The following KRT8 variants were observed in gnomAD, a reference collection of about 807,000 sequenced individuals.
KRT8 encodes the protein keratin 8.
A neutral mutation model predicts 43.0 loss-of-function variants in KRT8; 24 were observed. The ratio of observed to expected loss-of-function variants is 0.56; its 90% CI spans 0.40 to 0.78. The LOEUF is 0.78. KRT8 is among the 30% of genes least tolerant of loss of function. The pLI is 0.00. For synonymous variants in KRT8, 214 were observed against 261.2 expected, an observed-to-expected ratio of 0.82 and a Z score of 1.74; for missense variants, 492 against 638.4, an observed-to-expected ratio of 0.77 and a Z score of 2.47.
At chr12:52,898,767 G>T (rs138743271) in exon 6 of KRT8, 4 of 1,614,124 alleles carry the variant, frequency 2.5e-6, no homozygotes, top group Admixed American at 1.7e-5. Flanking sequence ...TGGTACTCAC[G>T]CAGCTGCCGC....
intron 2 of KRT8, among the ~76,000 whole-genome samples, chr12:52,922,485 CA>C (rs1425108602): frequency 6.6e-6 from 1 of 152,128 alleles, no homozygotes; most frequent in Non-Finnish European, 1.5e-5. Flanking sequence ...CCAGCCTGGC[CA>C]ACATGGCGAA....
chr12:52,912,052 T>C (rs1024043010), upstream of KRT8, among the ~76,000 whole-genome samples: 1 of 151,862 alleles, frequency 6.6e-6, no homozygotes, highest in African/African-American at 2.4e-5. Flanking sequence ...GAAAGAAAAG[T>C]ATTTGTGTTT....
chr12:52,949,672 T>A (rs920476754), intron 1 of KRT8: 5 of 1,258,862 alleles, frequency 4.0e-6, no homozygotes, highest in Non-Finnish European at 5.6e-6. Flanking sequence ...CGTCATTCCA[T>A]AACCACCCAA....
At chr12:52,920,601 A>C (rs1036043030) in intron 2 of KRT8, among the ~76,000 whole-genome samples, 18 of 152,024 alleles carry the variant, frequency 1.2e-4, no homozygotes, top group Admixed American at 2.6e-4. Context: ...CCATCTGAAA[A>C]AAAATTAAAA....
intron 7 of KRT8, 52 bp from the exon 8 acceptor site, chr12:52,897,670 G>A (rs1941249147): frequency 6.3e-7 from 1 of 1,597,032 alleles, no homozygotes; most frequent in African/African-American, 1.3e-5. Context: ...CCCCATGGCA[G>A]GCTCCATGCC....
intron 2 of KRT8, among the ~76,000 whole-genome samples, chr12:52,943,570 C>G (rs1227720453): frequency 2.6e-5 from 4 of 152,254 alleles, no homozygotes; most frequent in African/African-American, 9.6e-5. Flanking sequence ...TCACCCACAA[C>G]TGGGTTTCAC....
intron 2 of KRT8, among the ~76,000 whole-genome samples, chr12:52,938,170 A>ATATATTTTTT (rs1555189967): frequency 3.3e-5 from 1 of 30,320 alleles, no homozygotes; most frequent in South Asian, 1.3e-3. Flanking sequence ...ATATATATAT[A>ATATATTTTTT]TTTTTTTTTT....
At chr12:52,941,777 C>T (rs1222970504) in intron 2 of KRT8, among the ~76,000 whole-genome samples, 2 of 151,990 alleles carry the variant, frequency 1.3e-5, no homozygotes, top group African/African-American at 2.4e-5. Flanking sequence ...TGTGAGCCAC[C>T]GTGCCTGGCT....
intron 6 of KRT8, 50 bp from the exon 7 acceptor site, chr12:52,898,569 C>A: frequency 1.9e-6 from 3 of 1,612,342 alleles, no homozygotes; most frequent in Non-Finnish European, 2.5e-6. Flanking sequence ...CCCTTCTTGG[C>A]CCAGAACAAC....
At position 52,923,779 on chromosome 12, in the gene KRT8, C is replaced by G. The variant is rs1002030533; in HGVS notation, c.-46-18752G>C. On this transcript the variant is annotated intron_variant, in intron 2 of 6. Coordinates refer to the KRT8 transcript ENST00000546826. ...ATTATTAAAATTACCTGTATTATTA[C>G]ATTTAAATTAATATGGATTTTAGAG... 3.9e-5 allele frequency among the ~76,000 whole-genome samples: 6 copies of G among 151,920 alleles called. No individual in the cohort carries two copies. In the South Asian group the frequency reaches 1.2e-3, roughly 32 times the overall value.
chr12:52,904,449 A>C (rs1329705832), intron 1 of KRT8, among the ~76,000 whole-genome samples: 1 of 152,196 alleles, frequency 6.6e-6, no homozygotes, highest in Non-Finnish European at 1.5e-5. Flanking sequence ...CCCAGGATTC[A>C]TCCCGGCTGT....
chr12:52,926,264 C>G (rs1941989306), intron 2 of KRT8: 2 of 661,002 alleles, frequency 3.0e-6, no homozygotes, highest in South Asian at 1.9e-5. Flanking sequence ...CTTCCCGTTG[C>G]CTTCAGAATA....
chr12:52,948,494 CT>C (rs375720808), intron 2 of KRT8: 1,114 of 110,836 alleles, frequency 0.01, 5 homozygotes, highest in African/African-American at 0.032. Context: ...TTTCTTTTTT[CT>C]TTTTTTTTTT....
In KRT8 at chr12:52,918,180, G is replaced by GAAGAAGAA; in HGVS notation, c.-46-13154_-46-13153insTTCTTCTT. 3.4e-3 allele frequency among the ~76,000 whole-genome samples: 248 copies of GAAGAAGAA among 73,800 alleles called. 22 individuals carry two copies. Among genetic ancestry groups the GAAGAAGAA allele is most frequent in the Admixed American group, 4.4e-3 (28 of 6,392 alleles). The allele number at this position is 73,800 out of a possible 152,430, so 48.4% of individuals were successfully genotyped here. A position where few individuals can be genotyped will look rare whatever the true frequency, so the allele number is the denominator to read the frequency against. On this transcript the variant is annotated intron_variant, in intron 2 of 6. Coordinates refer to the KRT8 transcript ENST00000546826. ...GGGAAGAAGAAGAAGAAGAGGAAGA[G>GAAGAAGAA]GAAGAAGAAGAAGAAGAAGAAGAAC...
chr12:52,923,713 C>T (rs181581291), intron 2 of KRT8, among the ~76,000 whole-genome samples: 13 of 151,488 alleles, frequency 8.6e-5, no homozygotes, highest in African/African-American at 2.2e-4. Flanking sequence ...CCACCACGCC[C>T]GGCTCTAAAT....
intron 2 of KRT8, among the ~76,000 whole-genome samples, chr12:52,916,846 C>T (rs1941750593): frequency 1.3e-5 from 2 of 152,152 alleles, no homozygotes; most frequent in African/African-American, 4.8e-5. Context: ...CTGACTGATG[C>T]AAGGAGGTGC....
intron 2 of KRT8, among the ~76,000 whole-genome samples, chr12:52,921,348 G>A (rs928124923): frequency 1.2e-4 from 19 of 152,178 alleles, no homozygotes; most frequent in Admixed American, 5.2e-4. Context: ...AGGAGGGAAA[G>A]CCTCTCTGAG....
intron 2 of KRT8, among the ~76,000 whole-genome samples, chr12:52,931,339 T>TTA (rs1406063491): frequency 4.6e-5 from 7 of 152,202 alleles, no homozygotes; most frequent in African/African-American, 1.7e-4. Flanking sequence ...AGTACTGGGA[T>TTA]TATAGGCGTG....
rs762183930 is a variant in KRT8 at position 52,897,595 on chromosome 12, C to T, written c.1285G>A (p.Gly429Ser). ...TAGCTGAGGCCGGGGCTTGTGAGGC[C>T]CCCATAGGCCGAGCTCAGACCACCT... The change falls in exon 8 of 8, where the codon GGC (glycine) becomes AGC (serine). Residue 429 changes from glycine (G) to serine (S), a missense_variant. This residue lies in a region of KRT8 where 389 missense variants were observed against 485.7 expected (regional missense o/e 0.80). Transcript: ENST00000692008. The T allele has an allele frequency of 1.4e-5, 23 of 1,598,070 alleles. No homozygotes were observed. The highest frequency in any genetic ancestry group is 8.5e-6 in the Non-Finnish European group (10 of 1,179,948).
Sources: allele counts gnomAD v4.1 joint callset (sites outside exome capture counted in the v4.1 genomes callset), GRCh38; gene constraint gnomAD v4.1.1; regional missense constraint gnomAD v4.1.1; transcripts MANE v1.5; gene names NCBI Gene and HGNC (gene_info 2026-07-23, HGNC 2026-07-21).